The following SOBP variants were observed in gnomAD, a reference collection of about 807,000 sequenced individuals.
SOBP encodes sine oculis binding protein homolog.
SOBP carries 4 observed loss-of-function variants against 53.6 expected under a neutral mutation model. The ratio of observed to expected loss-of-function variants is 0.07; its 90% confidence interval spans 0.04 to 0.17. The LOEUF (loss-of-function observed/expected upper bound fraction) is 0.17, where lower values mean the gene tolerates loss of function less well. SOBP is among the 10% of genes least tolerant of loss of function. The pLI is 1.00. For missense variants in SOBP, 1,088 were observed against 1,204.7 expected, an observed-to-expected ratio of 0.90 and a Z score of 1.43; for synonymous variants, 584 against 522.6, an observed-to-expected ratio of 1.12 and a Z score of -1.60.
intron 4 of SOBP, among the ~76,000 whole-genome samples, chr6:107,537,821 A>G (rs930906882): frequency 7.2e-6 from 1 of 139,208 alleles, no homozygotes; most frequent in Admixed American, 7.2e-5. Context: ...CCCTATCTCA[A>G]AAAAAAAAAA....
Position 107,490,459 on chromosome 6 carries a change from C to T in SOBP, c.-158C>T, listed in dbSNP as rs1782547765. 6.6e-6 allele frequency: 4 copies of T among 605,310 alleles called. No individual in the cohort carries two copies. Among genetic ancestry groups the T allele is most frequent in the South Asian group, 5.6e-5 (3 of 53,970 alleles). The allele number at this position is 605,310 out of a possible 1,614,324, so 37.5% of individuals were successfully genotyped here. On this transcript the variant is annotated 5_prime_UTR_variant, in exon 1 of 7. Transcript: ENST00000317357. The stretch of plus-strand genomic sequence containing the variant: ...TAGAAGAGACCCCGCTTCTCGGCGC[C>T]TGCCCTCCCCCTCGCGGCTCGGTCC...
intron 1 of SOBP, among the ~76,000 whole-genome samples, chr6:107,499,822 G>A (rs938219940): frequency 6.6e-6 from 1 of 152,146 alleles, no homozygotes; most frequent in Admixed American, 6.5e-5. Flanking sequence ...ATCATAACCT[G>A]CCTTCGTTCA....
At chr6:107,537,308 G>A (rs1265009742) in intron 4 of SOBP, among the ~76,000 whole-genome samples, 1 of 152,084 alleles carries the variant, frequency 6.6e-6, no homozygotes, top group Non-Finnish European at 1.5e-5. Context: ...CCTTTTACAT[G>A]GGAAATATCT....
chr6:107,618,425 C>T (rs926702819), intron 5 of SOBP, among the ~76,000 whole-genome samples: 5 of 152,118 alleles, frequency 3.3e-5, no homozygotes, highest in African/African-American at 1.2e-4. Context: ...ACATATGTGT[C>T]ACTTACTCTG....
chr6:107,514,441 C>A (rs1487744754), intron 3 of SOBP: 1 of 152,048 alleles, frequency 6.6e-6, no homozygotes, highest in East Asian at 1.9e-4. Flanking sequence ...AAAAAAAGAT[C>A]CAAAATGAAA....
chr6:107,519,877 A>G (rs1033449815), intron 3 of SOBP, among the ~76,000 whole-genome samples: 3 of 152,122 alleles, frequency 2.0e-5, no homozygotes, highest in African/African-American at 4.8e-5. Flanking sequence ...TAAAGCACCT[A>G]CATGCAAGTC....
At position 107,539,073 on chromosome 6, in the gene SOBP, A is replaced by G. The variant is rs187259406; in HGVS notation, c.573+5463A>G. On this transcript the variant is annotated intron_variant, in intron 4 of 6. Coordinates refer to ENST00000317357, the MANE Select transcript of SOBP (RefSeq NM_018013.4). The stretch of plus-strand genomic sequence containing the variant: ...AGCTTGGGGAGAGGTATGTGACCTC[A>G]TGTTCACCAAAACACTTGAAAACCA... Among the ~76,000 whole-genome samples the G allele has an allele frequency of 1.2e-3, 180 of 152,330 alleles. 1 individual carries two copies. Among genetic ancestry groups the G allele is most frequent in the Middle Eastern group, 0.01 (3 of 294 alleles).
chr6:107,513,714 A>G (rs1352081445), intron 3 of SOBP, among the ~76,000 whole-genome samples: 13 of 148,886 alleles, frequency 8.7e-5, no homozygotes, highest in Non-Finnish European at 3.0e-5. Flanking sequence ...TATGTACCAG[A>G]TGCAATTCTC....
intron 4 of SOBP, among the ~76,000 whole-genome samples, chr6:107,557,077 T>C (rs1321865957): frequency 2.0e-5 from 3 of 152,222 alleles, no homozygotes; most frequent in Non-Finnish European, 2.9e-5. Flanking sequence ...CCAGTTCTTA[T>C]ATTTGGTAAA....
chr6:107,566,695 A>C (rs1277722533), intron 4 of SOBP, among the ~76,000 whole-genome samples: 1 of 152,158 alleles, frequency 6.6e-6, no homozygotes, highest in African/African-American at 2.4e-5. Context: ...CAAATCCATC[A>C]TGGCCTCTGC....
rs549653223 is a variant in SOBP at position 107,573,276 on chromosome 6, T to A, written c.574-13804T>A. On this transcript the variant is annotated intron_variant, in intron 4 of 6. Coordinates refer to ENST00000317357, the MANE Select transcript of SOBP (RefSeq NM_018013.4). ...TGGGATGCTGGGCATACCCTTATAG[T>A]TGCATGCAATTTAATTTTAATCAAG... Among the ~76,000 whole-genome samples the A allele has an allele frequency of 4.9e-4, 75 of 152,244 alleles. No individual in the cohort carries two copies. The Middle Eastern group carries it at 0.01, about 21-fold the overall frequency.
At chr6:107,535,635 GTGTT>G (rs1783972301) in intron 4 of SOBP, among the ~76,000 whole-genome samples, 1 of 141,696 alleles carries the variant, frequency 7.1e-6, no homozygotes, top group African/African-American at 2.7e-5. Flanking sequence ...GTGTGTGTGT[GTGTT>G]TTTTTTTTTT....
At chr6:107,516,050 G>A (rs1281714215) in intron 3 of SOBP, among the ~76,000 whole-genome samples, 1 of 152,050 alleles carries the variant, frequency 6.6e-6, no homozygotes, top group Non-Finnish European at 1.5e-5. Context: ...GGCAAAGGAG[G>A]AATAGAATAG....
chr6:107,538,017 CAT>C (rs756419978), intron 4 of SOBP, among the ~76,000 whole-genome samples: 85 of 152,166 alleles, frequency 5.6e-4, no homozygotes, highest in African/African-American at 1.3e-3. Flanking sequence ...ATAATAATAA[CAT>C]AAATAATTCA....
chr6:107,644,022 G>A (rs1441250044), intron 6 of SOBP, among the ~76,000 whole-genome samples: 3 of 152,154 alleles, frequency 2.0e-5, no homozygotes, highest in Non-Finnish European at 4.4e-5. Context: ...AGTCCCACAC[G>A]TGAGCGTGGT....
intron 5 of SOBP, among the ~76,000 whole-genome samples, chr6:107,588,150 C>A (rs977105541): frequency 6.6e-6 from 1 of 152,206 alleles, no homozygotes; most frequent in Non-Finnish European, 1.5e-5. Context: ...CCGACCAGCT[C>A]TGCCAGGTCT....
chr6:107,608,101 G>A lies in SOBP; in HGVS notation c.669+20926G>A, dbSNP rs545460353. Among the ~76,000 whole-genome samples, 4 of 152,350 alleles carry A rather than the reference G, an allele frequency of 2.6e-5. No homozygotes were observed. The East Asian group carries it at 5.8e-4, about 22-fold the overall frequency. The stretch of plus-strand genomic sequence containing the variant: ...TTCATTTGCCTAGGACTAGGGTCCT[G>A]AAGGAAGGATAGATAACCAACGAGG... On this transcript the variant is annotated intron_variant, in intron 5 of 6. Coordinates refer to ENST00000317357, the MANE Select transcript of SOBP (RefSeq NM_018013.4).
intron 1 of SOBP, among the ~76,000 whole-genome samples, chr6:107,494,630 A>G (rs1782654815): frequency 6.6e-6 from 1 of 152,240 alleles, no homozygotes; most frequent in South Asian, 2.1e-4. Context: ...AACCATAATT[A>G]ATGCACTTAC....
chr6:107,624,085 C>T (rs192255477), intron 5 of SOBP, among the ~76,000 whole-genome samples: 4 of 152,180 alleles, frequency 2.6e-5, no homozygotes, highest in Middle Eastern at 3.4e-3. Flanking sequence ...AAAGACCTTG[C>T]GTAAGCATAT....
Sources: gnomAD v4.1 joint callset for allele counts (sites outside exome capture counted in the v4.1 genomes callset) on GRCh38, gnomAD v4.1.1 for gene constraint, MANE v1.5 for transcripts, NCBI Gene and HGNC (gene_info 2026-07-23, HGNC 2026-07-21) for gene names.